The following IL1RAPL1 variants were observed in gnomAD, a reference collection of about 807,000 sequenced individuals.
IL1RAPL1 encodes interleukin 1 receptor accessory protein like 1.
A neutral mutation model predicts 48.4 loss-of-function variants in IL1RAPL1; 3 were observed. The observed-to-expected ratio is 0.06, with a 90% CI of 0.03 to 0.16. IL1RAPL1 has a LOEUF of 0.16. Among genes scored for constraint, IL1RAPL1 ranks in the 10% least tolerant of loss-of-function variants. IL1RAPL1 has a pLI of 1.00. For synonymous variants in IL1RAPL1, 185 were observed against 187.7 expected (o/e 0.99, Z 0.12); for missense variants, 349 against 530.6 (o/e 0.66, Z 3.36).
At chrX:28,728,978 A>T (rs1935718144) in intron 1 of IL1RAPL1, among the ~76,000 whole-genome samples, 1 of 111,918 alleles carries the variant, frequency 8.9e-6, no homozygotes, top group Non-Finnish European at 1.9e-5. Flanking sequence ...TTTCACTTTA[A>T]AAGTTATTTT....
At chrX:29,458,060 C>T (rs773243605) in intron 5 of IL1RAPL1, among the ~76,000 whole-genome samples, 21 of 112,216 alleles carry the variant, frequency 1.9e-4, no homozygotes, top group African/African-American at 5.8e-4. Context: ...GGATTACAGG[C>T]GTGAGCCACT....
At chrX:29,140,772 T>C (rs1929227078) in intron 2 of IL1RAPL1, among the ~76,000 whole-genome samples, 1 of 111,546 alleles carries the variant, frequency 9.0e-6, no homozygotes, top group Non-Finnish European at 1.9e-5. Flanking sequence ...GAGGGCACCA[T>C]CTTGCTGAGT....
intron 1 of IL1RAPL1, among the ~76,000 whole-genome samples, chrX:28,606,047 A>T (rs1237029553): frequency 1.8e-5 from 2 of 110,970 alleles, no homozygotes; most frequent in African/African-American, 6.5e-5. Context: ...TCTACTTTCT[A>T]ATTCTTTTAG....
At chrX:28,708,576 G>C (rs1935402031) in intron 1 of IL1RAPL1, among the ~76,000 whole-genome samples, 1 of 111,908 alleles carries the variant, frequency 8.9e-6, no homozygotes, top group African/African-American at 3.3e-5. Context: ...CAAATGAATG[G>C]ATAAAGAAAA....
intron 2 of IL1RAPL1, among the ~76,000 whole-genome samples, chrX:29,110,728 C>T (rs1241266982): frequency 9.0e-6 from 1 of 111,553 alleles, no homozygotes; most frequent in African/African-American, 3.3e-5. Context: ...ACATATGGGA[C>T]ATTATTGTGT....
intron 2 of IL1RAPL1, among the ~76,000 whole-genome samples, chrX:29,162,397 A>G (rs1929703583): frequency 9.0e-6 from 1 of 110,589 alleles, no homozygotes; most frequent in African/African-American, 3.3e-5. Flanking sequence ...ATAAATAAAT[A>G]TCTGTTTAAT....
intron 8 of IL1RAPL1, among the ~76,000 whole-genome samples, chrX:29,929,395 G>A (rs1358010804): frequency 1.8e-5 from 2 of 111,693 alleles, no homozygotes; most frequent in Non-Finnish European, 3.8e-5. Flanking sequence ...GCCGCACTGT[G>A]GGAATCTTGA....
intron 3 of IL1RAPL1, among the ~76,000 whole-genome samples, chrX:29,346,142 G>A (rs1569291633): frequency 8.9e-6 from 1 of 112,074 alleles, no homozygotes; most frequent in African/African-American, 3.2e-5. Context: ...ATATAGTAAT[G>A]CCTGTCTCCC....
At chrX:28,616,684 G>T (rs113078672) in intron 1 of IL1RAPL1, among the ~76,000 whole-genome samples, 1 of 111,410 alleles carries the variant, frequency 9.0e-6, no homozygotes, top group African/African-American at 3.3e-5. Context: ...CACCCACCTT[G>T]GCCTCCCAAA....
rs780972561 is a variant in IL1RAPL1 at position 28,612,474 on chromosome X, C to CTTGG, written c.-25+24430_-25+24433dup. On this transcript the variant is annotated intron_variant, in intron 1 of 10. Transcript: ENST00000378993. The stretch of plus-strand genomic sequence containing the variant: ...CAATGGCTTTGGGCAGGCACACCTC[C>CTTGG]TTGGTTCCCCTAGACTCCTTGTCCC... Among the ~76,000 whole-genome samples, 18 of 111,966 alleles carry CTTGG rather than the reference C, an allele frequency of 1.6e-4. No homozygotes were observed. The South Asian group carries it at 6.8e-3, about 42-fold the overall frequency.
At chrX:28,949,306 G>C (rs1160172402) in intron 2 of IL1RAPL1, among the ~76,000 whole-genome samples, 1 of 108,989 alleles carries the variant, frequency 9.2e-6, no homozygotes, top group East Asian at 2.9e-4. Flanking sequence ...ACATAAATGA[G>C]CCTTGTGTGC....
intron 2 of IL1RAPL1, among the ~76,000 whole-genome samples, chrX:29,279,156 AGGCCG>A (rs943154474): frequency 1.2e-4 from 14 of 112,456 alleles, no homozygotes; most frequent in Non-Finnish European, 2.1e-4. Context: ...GATTTTATGC[AGGCCG>A]GGCTTGGTGG....
intron 1 of IL1RAPL1, among the ~76,000 whole-genome samples, chrX:28,681,030 C>T (rs769377186): frequency 9.0e-6 from 1 of 111,492 alleles, no homozygotes; most frequent in East Asian, 2.8e-4. Context: ...CCTGTGAAGG[C>T]ATCTGCTTCT....
intron 1 of IL1RAPL1, among the ~76,000 whole-genome samples, chrX:28,617,517 A>G (rs1934235003): frequency 8.9e-6 from 1 of 112,171 alleles, no homozygotes; most frequent in Non-Finnish European, 1.9e-5. Context: ...AAAAGAGTCA[A>G]CCCAAATATG....
chrX:29,722,907 C>A (rs758408942), intron 6 of IL1RAPL1, among the ~76,000 whole-genome samples: 2 of 112,429 alleles, frequency 1.8e-5, no homozygotes, highest in African/African-American at 6.4e-5. Context: ...TAAAACATTT[C>A]TCACTGTAAA....
rs1187400114 is a variant in IL1RAPL1, at chrX:29,174,604, G to T, written c.83-108334G>T. ...TATCGCATAAAACACAGAAAATTCA[G>T]AAGTAGATTTATAGTAAAAACCAAT... On this transcript the variant is annotated intron_variant, in intron 2 of 10. Coordinates refer to ENST00000378993, the MANE Select transcript of IL1RAPL1 (RefSeq NM_014271.4). Among the ~76,000 whole-genome samples the T allele has an allele frequency of 6.3e-5, 7 of 111,509 alleles. No homozygotes were observed. In the Admixed American group the frequency reaches 6.7e-4, roughly 11 times the overall value.
rs762049303 is a variant in IL1RAPL1, at chrX:29,488,451, C to A, written c.703+89143C>A. Among the ~76,000 whole-genome samples the A allele has an allele frequency of 8.2e-3, 909 of 111,470 alleles. 11 individuals are homozygous for A. Among genetic ancestry groups the A allele is most frequent in the African/African-American group, 0.025 (780 of 30,679 alleles). On this transcript the variant is annotated intron_variant, in intron 5 of 10. Transcript: ENST00000378993. ...GACTCCATCTCAACAACAACAACAA[C>A]AAAAAAACAGAAGCCAATAAATAAA... is the stretch of plus-strand genomic sequence containing the variant.
At chrX:29,675,204 C>T (rs986043911) in intron 6 of IL1RAPL1, among the ~76,000 whole-genome samples, 1 of 112,296 alleles carries the variant, frequency 8.9e-6, no homozygotes, top group Non-Finnish European at 1.9e-5. Context: ...GTCTCATATC[C>T]AGCATCTATA....
intron 2 of IL1RAPL1, among the ~76,000 whole-genome samples, chrX:29,075,394 G>A (rs1399971632): frequency 3.6e-5 from 4 of 111,580 alleles, no homozygotes; most frequent in Non-Finnish European, 5.7e-5. Context: ...CTAGAGAAAT[G>A]TACCTATTTG....
Sources: gnomAD v4.1 joint callset for allele counts (sites outside exome capture counted in the v4.1 genomes callset) on GRCh38, gnomAD v4.1.1 for gene constraint, MANE v1.5 for transcripts, NCBI Gene and HGNC (gene_info 2026-07-23, HGNC 2026-07-21) for gene names.